Variants in ACTL8 observed in about 807,000 individuals in gnomAD.
The protein encoded by ACTL8 is actin like 8, also known as actin-like protein 8.
ACTL8 carries 3 observed loss-of-function variants against 9.3 expected under a neutral mutation model. That is an observed-to-expected ratio of 0.32 (90% CI 0.15 to 0.83). The LOEUF (loss-of-function observed/expected upper bound fraction) is 0.83. Ranked by LOEUF, ACTL8 falls within the 40% of genes least tolerant of loss-of-function variation. The probability of loss-of-function intolerance (pLI) is 0.57; values close to 1 mark genes in which losing one functional copy is unlikely to be tolerated. For missense variants in ACTL8, 381 were observed against 492.2 expected (o/e 0.77, Z 2.14); for synonymous variants, 224 against 205.9 (o/e 1.09, Z -0.75).
chr1:17,794,370 G>A (rs971069744), intron 1 of ACTL8, among the ~76,000 whole-genome samples: 22 of 152,148 alleles, frequency 1.4e-4, no homozygotes, highest in Admixed American at 1.2e-3. Context: ...TTTCTGGGGC[G>A]ATTCAATACA....
At chr1:17,801,610 T>C (rs2066323287) in intron 1 of ACTL8, among the ~76,000 whole-genome samples, 1 of 152,204 alleles carries the variant, frequency 6.6e-6, no homozygotes, top group Non-Finnish European at 1.5e-5. Flanking sequence ...TGTTCTATTA[T>C]AGTAGTGATA....
intron 1 of ACTL8, among the ~76,000 whole-genome samples, chr1:17,764,211 G>A (rs1190054042): frequency 1.3e-5 from 2 of 152,134 alleles, no homozygotes; most frequent in East Asian, 3.9e-4. Flanking sequence ...TGACGCAAGG[G>A]GTGGGTAGAG....
At chr1:17,787,272 A>G (rs2066204498) in intron 1 of ACTL8, among the ~76,000 whole-genome samples, 1 of 151,692 alleles carries the variant, frequency 6.6e-6, no homozygotes, top group Admixed American at 6.6e-5. Flanking sequence ...GATCTAGTGC[A>G]TTCTTTTTTT....
At chr1:17,759,798 G>A (rs1045506717) in intron 1 of ACTL8, among the ~76,000 whole-genome samples, 2 of 152,194 alleles carry the variant, frequency 1.3e-5, no homozygotes, top group African/African-American at 4.8e-5. Context: ...GCACTGGGTG[G>A]GGTGGGGGAC....
At chr1:17,809,767 C>T (rs1483177622) in intron 1 of ACTL8, among the ~76,000 whole-genome samples, 1 of 151,904 alleles carries the variant, frequency 6.6e-6, no homozygotes, top group East Asian at 1.9e-4. Context: ...AAGCTCAGGC[C>T]TCCCACTGAT....
rs1387347599 is a variant in ACTL8 at position 17,761,490 on chromosome 1, C to T, written c.-25+5986C>T. The stretch of plus-strand genomic sequence containing the variant: ...CGCCCAGGTAATCTTGCTGGGTCTT[C>T]ATAGCTTCGACTTTAAAGTGGGACA... On this transcript the variant is annotated intron_variant, in intron 1 of 2. Transcript: ENST00000375406. 3.9e-5 allele frequency among the ~76,000 whole-genome samples: 6 copies of T among 152,180 alleles called. No individual in the cohort carries two copies. In the East Asian group the frequency reaches 1.2e-3, roughly 29 times the overall value.
chr1:17,764,389 G>A (rs1036938698), intron 1 of ACTL8, among the ~76,000 whole-genome samples: 11 of 152,206 alleles, frequency 7.2e-5, no homozygotes, highest in Admixed American at 3.9e-4. Flanking sequence ...GGCAAGCCAG[G>A]GGGGACTGGT....
chr1:17,795,683 G>C (rs879823238), intron 1 of ACTL8, among the ~76,000 whole-genome samples: 2 of 152,188 alleles, frequency 1.3e-5, no homozygotes, highest in East Asian at 3.8e-4. Context: ...TAAACAGAAG[G>C]GTGGGGGTCC....
At chr1:17,796,444 T>C (rs4920382) in intron 1 of ACTL8, among the ~76,000 whole-genome samples, 32,497 of 151,832 alleles carry the variant, frequency 0.21, 4,262 homozygotes, top group Admixed American at 0.38. Context: ...TCTCATTTAA[T>C]CTTTACCATC....
At chr1:17,761,271 A>C (rs1434710026) in intron 1 of ACTL8, among the ~76,000 whole-genome samples, 1 of 150,568 alleles carries the variant, frequency 6.6e-6, no homozygotes, top group Admixed American at 6.6e-5. Flanking sequence ...GTGCTTGGCC[A>C]CTGTGGCATT....
At chr1:17,801,031 T>C (rs2066318926) in intron 1 of ACTL8, among the ~76,000 whole-genome samples, 1 of 152,238 alleles carries the variant, frequency 6.6e-6, no homozygotes, top group African/African-American at 2.4e-5. Flanking sequence ...TAAATACATG[T>C]TAAATTTGGT....
At chr1:17,773,174 G>C (rs1255088605) in intron 1 of ACTL8, among the ~76,000 whole-genome samples, 3 of 152,194 alleles carry the variant, frequency 2.0e-5, no homozygotes, top group Non-Finnish European at 4.4e-5. Context: ...CTTGTTCTAT[G>C]TGTTTAGGAG....
chr1:17,783,845 G>A (rs1177630185), intron 1 of ACTL8, among the ~76,000 whole-genome samples: 1 of 152,208 alleles, frequency 6.6e-6, no homozygotes, highest in Non-Finnish European at 1.5e-5. Flanking sequence ...GATATCTTGG[G>A]CCCTTGGCTG....
intron 1 of ACTL8, among the ~76,000 whole-genome samples, chr1:17,761,269 C>T (rs2066000474): frequency 6.6e-6 from 1 of 151,792 alleles, no homozygotes; most frequent in Non-Finnish European, 1.5e-5. Flanking sequence ...CTGTGCTTGG[C>T]CACTGTGGCA....
chr1:17,776,451 A>G (rs2066118321), intron 1 of ACTL8, among the ~76,000 whole-genome samples: 1 of 152,088 alleles, frequency 6.6e-6, no homozygotes, highest in Admixed American at 6.6e-5. Context: ...CCCCTGGTGT[A>G]CAGCTAGTTC....
rs1321165250 is a variant in ACTL8, at chr1:17,823,672, G to A, written c.348+316G>A. ...GAGCCCGGGAGGTCGAGAATAGAGT[G>A]AGCTGAGATCACGACACTGCACTCT... On this transcript the variant is annotated intron_variant, in intron 2 of 2. Transcript: ENST00000375406. The surrounding 1 kb of genome is among the most constrained non-coding windows in gnomAD (Gnocchi z 5.3). 6.6e-6 allele frequency among the ~76,000 whole-genome samples: 1 copy of A among 152,082 alleles called. No homozygotes were observed. The highest frequency in any genetic ancestry group is 1.5e-5 in the Non-Finnish European group (1 of 68,014).
intron 1 of ACTL8, among the ~76,000 whole-genome samples, chr1:17,773,370 C>G (rs768074461): frequency 5.9e-5 from 9 of 152,296 alleles, no homozygotes; most frequent in Non-Finnish European, 1.0e-4. Flanking sequence ...CTCTGTGGTC[C>G]CTCCTTTGTG....
At chr1:17,788,323 C>G (rs562791804) in intron 1 of ACTL8, among the ~76,000 whole-genome samples, 2 of 152,244 alleles carry the variant, frequency 1.3e-5, no homozygotes, top group Non-Finnish European at 2.9e-5. Context: ...ACCCCCTGCT[C>G]CTGCCACATG....
intron 1 of ACTL8, among the ~76,000 whole-genome samples, chr1:17,800,742 G>T (rs967228501): frequency 1.3e-5 from 2 of 151,580 alleles, no homozygotes; most frequent in Non-Finnish European, 2.9e-5. Flanking sequence ...CTAAAGGTGC[G>T]TACCACCATG....
Sources: allele counts gnomAD v4.1 joint callset (sites outside exome capture counted in the v4.1 genomes callset), GRCh38; gene constraint gnomAD v4.1.1; non-coding constraint Gnocchi (gnomAD v3.1); transcripts MANE v1.5; gene names NCBI Gene and HGNC (gene_info 2026-07-23, HGNC 2026-07-21).